The following BTNL9 variants were observed in gnomAD, a reference collection of about 807,000 sequenced individuals.
The protein encoded by BTNL9 is butyrophilin-like protein 9.
BTNL9 carries 45 observed loss-of-function variants against 45.8 expected under a neutral mutation model. That is an observed-to-expected ratio of 0.98 (90% CI 0.77 to 1.26). BTNL9 has a LOEUF of 1.26. BTNL9 is among the 50% of genes most tolerant of loss of function. The pLI, the probability that BTNL9 is intolerant of heterozygous loss-of-function variation, is 0.00. For missense variants in BTNL9, 784 were observed against 729.7 expected (o/e 1.07, Z -0.86); for synonymous variants, 346 against 330.8 (o/e 1.05, Z -0.50).
chr5:181,043,340 T>C (rs1360039742), intron 1 of BTNL9: 5 of 152,040 alleles, frequency 3.3e-5, no homozygotes, highest in Non-Finnish European at 7.3e-5. Flanking sequence ...GAAGATTCCA[T>C]GATGGGAATC....
chr5:181,050,053 A>G lies in BTNL9; in HGVS notation c.455-35A>G. ...ATGTTATGCGTGATTTCTCAGAAGA[A>G]GCCTGACCTTTCCCACTCCTCCTGC... On this transcript the variant is annotated intron_variant, in intron 3 of 10. Coordinates refer to ENST00000327705, the MANE Select transcript of BTNL9 (RefSeq NM_152547.5). This position sits in a 1 kb window ranked among gnomAD's most constrained non-coding sequence, Gnocchi z 4.9. 6.3e-7 allele frequency: 1 copy of G among 1,598,480 alleles called. No homozygotes were observed. Among genetic ancestry groups the G allele is most frequent in the Non-Finnish European group, 8.5e-7 (1 of 1,172,162 alleles).
At chr5:181,049,727 A>G (rs1761431486) in intron 3 of BTNL9, among the ~76,000 whole-genome samples, 1 of 152,204 alleles carries the variant, frequency 6.6e-6, no homozygotes, top group South Asian at 2.1e-4. Context: ...GCTCTGGGGG[A>G]ATTCAAGAGA....
Position 181,050,827 on chromosome 5 carries a change from G to A in BTNL9, c.736+458G>A, listed in dbSNP as rs1439917115. 2.0e-5 allele frequency among the ~76,000 whole-genome samples: 3 copies of A among 152,126 alleles called. No homozygotes were observed. Among genetic ancestry groups the A allele is most frequent in the Non-Finnish European group, 2.9e-5 (2 of 68,008 alleles). Reference sequence around the variant, plus strand: ...GGTGCAGCCGGGTGCAGTGGCTCACGCCTGTAATCCCAGCACTTTGGGAGG... The same window carrying A: ...GGTGCAGCCGGGTGCAGTGGCTCACACCTGTAATCCCAGCACTTTGGGAGG... On this transcript the variant is annotated intron_variant, in intron 4 of 10. Coordinates refer to ENST00000327705, the MANE Select transcript of BTNL9 (RefSeq NM_152547.5). The surrounding 1 kb of genome is among the most constrained non-coding windows in gnomAD (Gnocchi z 4.9).
Position 181,055,102 on chromosome 5 carries a change from C to G in BTNL9, c.908-331C>G. ...GCGGCCCTCAGTGCCTGCACTTAGG[C>G]GGGAGCTCCGCCCCAGGAAGCTTGT... On this transcript the variant is annotated intron_variant, in intron 7 of 10. Coordinates refer to ENST00000327705, the MANE Select transcript of BTNL9 (RefSeq NM_152547.5). The surrounding 1 kb of genome is among the most constrained non-coding windows in gnomAD (Gnocchi z 4.4). 8.8e-7 allele frequency: 1 copy of G among 1,131,242 alleles called. No individual in the cohort carries two copies. Among genetic ancestry groups the G allele is most frequent in the Non-Finnish European group, 1.1e-6 (1 of 922,442 alleles). The allele number at this position is 1,131,242 out of a possible 1,614,324, so 70.1% of individuals were successfully genotyped here.
chr5:181,047,269 G>A (rs547748037), intron 2 of BTNL9, among the ~76,000 whole-genome samples: 51 of 152,166 alleles, frequency 3.4e-4, no homozygotes, highest in African/African-American at 5.3e-4. Flanking sequence ...TGAAGAAGCC[G>A]TCAAAGAGGA....
At position 181,050,135 on chromosome 5, in the gene BTNL9, G is replaced by C; in HGVS notation, c.502G>C (p.Gly168Arg). The C allele has an allele frequency of 6.2e-7, 1 of 1,614,124 alleles. No individual in the cohort carries two copies. The highest frequency in any genetic ancestry group is 8.5e-7 in the Non-Finnish European group (1 of 1,180,034). Residue 168 changes from glycine (G) to arginine (R), a missense_variant, in exon 4 of 11, where the codon GGC (glycine) becomes CGC (arginine). By Grantham distance (125) the Gly-to-Arg change is moderately radical. Coordinates refer to ENST00000327705, the MANE Select transcript of BTNL9 (RefSeq NM_152547.5). This position sits in a 1 kb window ranked among gnomAD's most constrained non-coding sequence, Gnocchi z 4.9. ...HLSLEGFKEG[G>R]IQLRLRSSGW... ...CTCCCTTGAGGGCTTCAAGGAAGGA[G>C]GCATTCAGCTGAGGCTCAGATCCAG...
At position 181,045,560 on chromosome 5, in the gene BTNL9, T is replaced by C. The variant is rs1404698584; in HGVS notation, c.71T>C (p.Met24Thr). 1.2e-6 allele frequency: 2 copies of C among 1,612,790 alleles called. No individual in the cohort carries two copies. The highest frequency in any genetic ancestry group is 2.2e-5 in the South Asian group (2 of 91,076). ...CTGACCAGCAGTCTTGTCTTCCTCA[T>C]GCACCTCCTCCTCCTTCAGCCTGGG... is the stretch of plus-strand genomic sequence containing the variant. Reference protein sequence around the residue: ...VSLTSSLVFLMHLLLLQPGEP... With the variant: ...VSLTSSLVFLTHLLLLQPGEP... Residue 24 changes from methionine (M) to threonine (T), a missense_variant, in exon 2 of 11, where the codon ATG becomes ACG. Transcript: ENST00000327705.
chr5:181,059,324 C>T lies in BTNL9; in HGVS notation c.1070C>T (p.Pro357Leu), dbSNP rs1184973207. 1.9e-6 allele frequency: 3 copies of T among 1,553,050 alleles called. No homozygotes were observed. Among genetic ancestry groups the T allele is most frequent in the Admixed American group, 1.9e-5 (1 of 51,876 alleles). ...AGCGTGTCTTCCCGCGGGGCGCCGCCAGGCCCGGCGCCTGGCCACCCGCAG... is the reference window on the plus strand; with the variant it reads ...AGCGTGTCTTCCCGCGGGGCGCCGCTAGGCCCGGCGCCTGGCCACCCGCAG... Reference protein sequence around the residue: ...GKSVSSRGAPPGPAPGHPQRF... With the variant: ...GKSVSSRGAPLGPAPGHPQRF... The change falls in exon 11 of 11, where the codon CCA (proline) becomes CTA (leucine). Residue 357 changes from proline (P) to leucine (L), a missense_variant. By Grantham distance (98) the Pro-to-Leu change is moderately conservative (BLOSUM62 -3). Transcript: ENST00000327705.
At chr5:181,052,555 A>G (rs1761599302) in intron 4 of BTNL9, among the ~76,000 whole-genome samples, 1 of 152,234 alleles carries the variant, frequency 6.6e-6, no homozygotes, top group African/African-American at 2.4e-5. Flanking sequence ...TAATAACTAG[A>G]TGACACAGAC....
At chr5:181,048,605 G>A (rs756808884) in intron 3 of BTNL9, among the ~76,000 whole-genome samples, 24 of 151,142 alleles carry the variant, frequency 1.6e-4, no homozygotes, top group Non-Finnish European at 2.4e-4. Context: ...AGGTGTGGTG[G>A]TGCGTGCCTG....
intron 1 of BTNL9, 137 bp from the exon 2 acceptor site, chr5:181,045,330 C>A (rs2113156208): frequency 1.7e-6 from 1 of 584,650 alleles, no homozygotes; most frequent in Middle Eastern, 3.3e-4. Flanking sequence ...TGGAAGAAGC[C>A]AAGCGCTGAG....
Position 181,050,192 on chromosome 5 carries a change from A to C in BTNL9, c.559A>C (p.Arg187=). Residue 187 remains arginine, a synonymous_variant, in exon 4 of 11, where the codon AGA becomes CGA. Transcript: ENST00000327705. This position sits in a 1 kb window ranked among gnomAD's most constrained non-coding sequence, Gnocchi z 4.9. ...GWYPKPKVQW[R]DHQGQCLPPE... ...GTACCCCAAGCCTAAGGTTCAGTGG[A>C]GAGACCACCAGGGACAGTGCCTGCC... 6.2e-7 allele frequency: 1 copy of C among 1,614,078 alleles called. No individual in the cohort carries two copies. Among genetic ancestry groups the C allele is most frequent in the Non-Finnish European group, 8.5e-7 (1 of 1,180,034 alleles).
intron 2 of BTNL9, 139 bp downstream of exon 2, chr5:181,045,737 A>G (rs1761080962): frequency 3.0e-6 from 2 of 676,744 alleles, no homozygotes; most frequent in East Asian, 2.9e-5. Flanking sequence ...CTGGTTGTTA[A>G]AGAGCCACTA....
chr5:181,043,266 CTGTG>C (rs1165963385), intron 1 of BTNL9: 5 of 151,738 alleles, frequency 3.3e-5, no homozygotes, highest in South Asian at 2.1e-4. Flanking sequence ...ATGGGTGTGT[CTGTG>C]TGTGTGTGCA....
intron 3 of BTNL9, among the ~76,000 whole-genome samples, chr5:181,048,539 G>A (rs1213282466): frequency 1.3e-5 from 2 of 151,498 alleles, no homozygotes; most frequent in Non-Finnish European, 2.9e-5. Context: ...CAGATCACTT[G>A]AGCTCCAGAG....
Position 181,053,067 on chromosome 5 carries a change from T to G in BTNL9, c.737-133T>G. ...CGCGCGCGCTCCCGCTCCACGCCCG[T>G]TTCCCAGGCGGCTGCGGTGGCGCCC... On this transcript the variant is annotated intron_variant, in intron 4 of 10. Coordinates refer to ENST00000327705, the MANE Select transcript of BTNL9 (RefSeq NM_152547.5). The surrounding 1 kb of genome is among the most constrained non-coding windows in gnomAD (Gnocchi z 6.5). 1.6e-6 allele frequency: 1 copy of G among 621,462 alleles called. No homozygotes were observed. The highest frequency in any genetic ancestry group is 2.4e-6 in the Non-Finnish European group (1 of 410,968). The allele number at this position is 621,462 out of a possible 1,614,324, so 38.5% of individuals were successfully genotyped here. A position where few individuals can be genotyped will look rare whatever the true frequency, so the allele number is the denominator to read the frequency against.
intron 10 of BTNL9, 120 bp from the exon 11 acceptor site, chr5:181,059,117 T>G: frequency 2.2e-6 from 3 of 1,387,616 alleles, no homozygotes; most frequent in South Asian, 1.6e-5. Context: ...AGGGTCGGGG[T>G]AAGGGGTTCA....
At chr5:181,045,656 C>A in intron 2 of BTNL9, 58 bp downstream of exon 2, 1 of 1,336,600 alleles carries the variant, frequency 7.5e-7, no homozygotes, top group Non-Finnish European at 1.1e-6. Flanking sequence ...CTGCCAGGTG[C>A]TCCCCAGGGC....
chr5:181,044,377 G>C (rs57118358), intron 1 of BTNL9, among the ~76,000 whole-genome samples: 2,023 of 152,280 alleles, frequency 0.013, 48 homozygotes, highest in African/African-American at 0.046. Flanking sequence ...GGGAGACAGA[G>C]AGGGTTGGAG....
Sources: gnomAD v4.1 joint callset for allele counts (sites outside exome capture counted in the v4.1 genomes callset) on GRCh38, gnomAD v4.1.1 for gene constraint, Gnocchi (gnomAD v3.1) non-coding constraint, MANE v1.5 for transcripts, NCBI Gene and HGNC (gene_info 2026-07-23, HGNC 2026-07-21) for gene names.